Variants in FBXL2 observed in about 807,000 individuals in gnomAD.
FBXL2 encodes the protein F-box and leucine rich repeat protein 2, also known as F-box/LRR-repeat protein 2.
FBXL2 carries 38 observed loss-of-function variants against 69.2 expected under a neutral mutation model. That is an observed-to-expected ratio of 0.55 (90% CI 0.42 to 0.72). FBXL2 has a LOEUF of 0.72. FBXL2 is among the 30% of genes least tolerant of loss of function. The probability of loss-of-function intolerance (pLI) is 0.00; values close to 1 mark genes in which losing one functional copy is unlikely to be tolerated. For synonymous variants in FBXL2, 192 were observed against 201.3 expected, an observed-to-expected ratio of 0.95 and a Z score of 0.39; for missense variants, 354 against 520.3, an observed-to-expected ratio of 0.68 and a Z score of 3.11.
intron 12 of FBXL2, chr3:33,402,773 C>G: frequency 6.8e-7 from 1 of 1,463,604 alleles, no homozygotes; most frequent in Non-Finnish European, 9.1e-7. Context: ...TAGTTAGCTG[C>G]AGGCACACGA....
downstream of FBXL2, chr3:33,390,480 T>C: frequency 8.9e-7 from 1 of 1,129,504 alleles, no homozygotes; most frequent in Non-Finnish European, 1.3e-6. Context: ...GAGGTTACCT[T>C]TAAATGATTC....
chr3:33,375,135 C>G (rs1238716216), intron 9 of FBXL2, among the ~76,000 whole-genome samples, 153 bp from the exon 10 acceptor site: 1 of 152,158 alleles, frequency 6.6e-6, no homozygotes, highest in African/African-American at 2.4e-5. Flanking sequence ...AACACAAGTA[C>G]CTGTCTACCC....
intron 2 of FBXL2, among the ~76,000 whole-genome samples, chr3:33,307,853 TC>T (rs1452585573): frequency 2.6e-5 from 4 of 152,278 alleles, no homozygotes; most frequent in Non-Finnish European, 4.4e-5. Context: ...CTAGTTGGTT[TC>T]TCATCCTCTG....
At chr3:33,405,029 A>G (rs1288546592), downstream of FBXL2, among the ~76,000 whole-genome samples, 1 of 152,198 alleles carries the variant, frequency 6.6e-6, no homozygotes, top group African/African-American at 2.4e-5. Flanking sequence ...TAAGTTTTAA[A>G]TATCTTGACT....
At chr3:33,308,016 T>A (rs2036867789) in intron 2 of FBXL2, among the ~76,000 whole-genome samples, 1 of 152,020 alleles carries the variant, frequency 6.6e-6, no homozygotes, top group Non-Finnish European at 1.5e-5. Context: ...GTAGGGTTTG[T>A]TTGTTTTTAG....
chr3:33,369,769 C>T (rs1298360048), intron 5 of FBXL2, among the ~76,000 whole-genome samples: 4 of 151,960 alleles, frequency 2.6e-5, no homozygotes, highest in South Asian at 4.2e-4. Context: ...TGTACCACCC[C>T]GCCCGGCTAA....
chr3:33,317,503 A>G, intron 2 of FBXL2: 1 of 456,628 alleles, frequency 2.2e-6, no homozygotes, highest in Non-Finnish European at 4.4e-6. Context: ...ACAACAATAA[A>G]CAATAAAACT....
At chr3:33,281,447 T>G (rs1268156534) in intron 1 of FBXL2, among the ~76,000 whole-genome samples, 2 of 152,206 alleles carry the variant, frequency 1.3e-5, no homozygotes, top group East Asian at 3.8e-4. Flanking sequence ...TCTATCATTG[T>G]TGGACATTTG....
downstream of FBXL2, chr3:33,392,882 T>C (rs2043824883): frequency 2.6e-6 from 1 of 392,138 alleles, no homozygotes; most frequent in East Asian, 4.0e-5. Flanking sequence ...CAGTGGATGA[T>C]GACTCGAACA....
chr3:33,375,169 T>G, intron 9 of FBXL2, 119 bp from the exon 10 acceptor site: 1 of 1,204,350 alleles, frequency 8.3e-7, no homozygotes, highest in African/African-American at 1.5e-5. Flanking sequence ...TTGAAGTTAT[T>G]TGGATAAAAT....
At chr3:33,413,777 T>G in the FBXL2 span, among the ~76,000 whole-genome samples, 2 of 152,096 alleles carry the variant, frequency 1.3e-5, no homozygotes, top group African/African-American at 4.8e-5. Flanking sequence ...CTTCCTTACC[T>G]GCACCCACAC....
rs909738885 is a variant in FBXL2, at chr3:33,326,266, C to T, written c.65+28541C>T. On this transcript the variant is annotated intron_variant, in intron 2 of 14. Transcript: ENST00000484457. ...CTGTAATCCCAGCACTTTGGGAGGC[C>T]GAGGTGGGTGGATCACAAGGTCAGG... Among the ~76,000 whole-genome samples, 12 of 151,996 alleles carry T rather than the reference C, an allele frequency of 7.9e-5. No homozygotes were observed. The East Asian group carries it at 1.6e-3, about 20-fold the overall frequency.
At chr3:33,361,930 A>G (rs1276250050) in intron 4 of FBXL2, among the ~76,000 whole-genome samples, 1 of 152,220 alleles carries the variant, frequency 6.6e-6, no homozygotes, top group Non-Finnish European at 1.5e-5. Context: ...ACTTTTGGAT[A>G]TGGTTGAGAG....
At chr3:33,329,086 A>G (rs1292589909) in intron 2 of FBXL2, among the ~76,000 whole-genome samples, 2 of 152,172 alleles carry the variant, frequency 1.3e-5, no homozygotes, top group East Asian at 3.8e-4. Context: ...CAGATAGTCC[A>G]ATTAAAAACA....
downstream of FBXL2, chr3:33,390,972 A>C (rs1316876001): frequency 2.0e-5 from 3 of 152,518 alleles, no homozygotes; most frequent in African/African-American, 7.2e-5. Flanking sequence ...CTAATACCAA[A>C]AAATGTCTGC....
At chr3:33,363,938 A>G (rs1182025212) in intron 4 of FBXL2, among the ~76,000 whole-genome samples, 1 of 152,126 alleles carries the variant, frequency 6.6e-6, no homozygotes, top group Non-Finnish European at 1.5e-5. Context: ...ACTATACTCC[A>G]ATCTGGGCAC....
chr3:33,392,499 A>C (rs2043808271), downstream of FBXL2: 3 of 1,389,746 alleles, frequency 2.2e-6, no homozygotes, highest in Non-Finnish European at 3.0e-6. Context: ...GAGAGGCACT[A>C]ATTAGAGGCA....
Position 33,373,295 on chromosome 3 carries a change from T to C in FBXL2, c.395T>C (p.Leu132Pro). 1 of 1,614,192 alleles carries C rather than the reference T, an allele frequency of 6.2e-7. No homozygotes were observed. The highest frequency in any genetic ancestry group is 8.5e-7 in the Non-Finnish European group (1 of 1,180,016). ...AGCCTTAGCAGATTCTGTTCCAAGC[T>C]GAAACATCTGGATCTGACCTCCTGT... Reference protein sequence around the residue: ...CYSLSRFCSKLKHLDLTSCVS... With the variant: ...CYSLSRFCSKPKHLDLTSCVS... The change falls in exon 7 of 15, where the codon CTG becomes CCG. Residue 132 changes from leucine (L) to proline (P), a missense_variant. Transcript: ENST00000484457.
intron 1 of FBXL2, among the ~76,000 whole-genome samples, chr3:33,292,580 A>G (rs940614655): frequency 2.0e-5 from 3 of 152,212 alleles, no homozygotes; most frequent in East Asian, 3.8e-4. Flanking sequence ...ACTATCAACC[A>G]ACTTGATCCT....
Sources: gnomAD v4.1 joint callset for allele counts (sites outside exome capture counted in the v4.1 genomes callset) on GRCh38, gnomAD v4.1.1 for gene constraint, MANE v1.5 for transcripts, NCBI Gene and HGNC (gene_info 2026-07-23, HGNC 2026-07-21) for gene names.